Variants in DOCK2 observed in about 807,000 individuals in gnomAD.
DOCK2 encodes the protein dedicator of cytokinesis protein 2.
A neutral mutation model predicts 248.9 loss-of-function variants in DOCK2; 87 were observed. The observed-to-expected ratio is 0.35, with a 90% CI of 0.29 to 0.42. The LOEUF (loss-of-function observed/expected upper bound fraction) is 0.42. DOCK2 is among the 10% of genes least tolerant of loss of function. The pLI, the probability that DOCK2 is intolerant of heterozygous loss-of-function variation, is 1.00. For synonymous variants in DOCK2, 805 were observed against 821.6 expected, an observed-to-expected ratio of 0.98 and a Z score of 0.35; for missense variants, 1,747 against 2,300.2, an observed-to-expected ratio of 0.76 and a Z score of 4.92.
chr5:169,836,770 T>C (rs1012582514), intron 26 of DOCK2, among the ~76,000 whole-genome samples: 2 of 152,166 alleles, frequency 1.3e-5, no homozygotes, highest in African/African-American at 4.8e-5. Flanking sequence ...TAGAGAGGTA[T>C]TAAAGACATA....
intron 27 of DOCK2, among the ~76,000 whole-genome samples, chr5:169,965,836 C>T (rs1217755053): frequency 6.6e-6 from 1 of 152,172 alleles, no homozygotes; most frequent in Non-Finnish European, 1.5e-5. Flanking sequence ...TCATTTAACT[C>T]ATTGATGGCA....
chr5:169,769,400 C>T (rs1764963922), intron 25 of DOCK2, among the ~76,000 whole-genome samples: 1 of 152,198 alleles, frequency 6.6e-6, no homozygotes, highest in Non-Finnish European at 1.5e-5. Flanking sequence ...CCTTCCTCTC[C>T]ATCTTATCGC....
At chr5:169,799,604 AT>A (rs1034989585) in intron 25 of DOCK2, among the ~76,000 whole-genome samples, 6 of 152,234 alleles carry the variant, frequency 3.9e-5, no homozygotes, top group Non-Finnish European at 2.9e-5. Context: ...ATTGTAAGAC[AT>A]TTTTTTACCC....
chr5:169,918,129 T>C (rs190386818), intron 27 of DOCK2, among the ~76,000 whole-genome samples: 3 of 152,244 alleles, frequency 2.0e-5, no homozygotes, highest in Non-Finnish European at 4.4e-5. Flanking sequence ...AAAAATATCC[T>C]GTTCAATTTG....
chr5:169,884,183 G>A, intron 27 of DOCK2: 1 of 263,224 alleles, frequency 3.8e-6, no homozygotes, highest in Non-Finnish European at 7.1e-6. Context: ...TTAAACATCT[G>A]ATCTACCAAG....
intron 43 of DOCK2, chr5:170,056,999 CT>C: frequency 2.0e-6 from 1 of 500,676 alleles, no homozygotes; most frequent in Non-Finnish European, 3.6e-6. Context: ...GTCAGAGGCA[CT>C]TTTTCAACCA....
intron 46 of DOCK2, among the ~76,000 whole-genome samples, chr5:170,073,945 A>G (rs551725590): frequency 6.6e-6 from 1 of 151,694 alleles, no homozygotes; most frequent in South Asian, 2.1e-4. Context: ...ATTCGTGTCC[A>G]CTCTCACCTT....
At chr5:169,651,192 G>T (rs1757786675) in intron 1 of DOCK2, among the ~76,000 whole-genome samples, 1 of 152,164 alleles carries the variant, frequency 6.6e-6, no homozygotes, top group Non-Finnish European at 1.5e-5. Flanking sequence ...GTATTCATAG[G>T]CAAAGCCACT....
intron 29 of DOCK2, among the ~76,000 whole-genome samples, chr5:169,995,617 T>C (rs1754589618): frequency 6.6e-6 from 1 of 152,252 alleles, no homozygotes; most frequent in African/African-American, 2.4e-5. Flanking sequence ...ACAGCATTTG[T>C]TGTTTAGCCC....
chr5:169,669,090 T>C (rs1403025790), intron 2 of DOCK2, among the ~76,000 whole-genome samples, 198 bp from the exon 3 acceptor site: 2 of 152,182 alleles, frequency 1.3e-5, no homozygotes, highest in Non-Finnish European at 2.9e-5. Flanking sequence ...AGTCTATTTT[T>C]AGATGTTATT....
At chr5:170,042,445 G>A (rs767769035) in intron 38 of DOCK2, among the ~76,000 whole-genome samples, 4 of 152,150 alleles carry the variant, frequency 2.6e-5, no homozygotes, top group Non-Finnish European at 4.4e-5. Context: ...TCCCCCACTC[G>A]CAGTTTCTCA....
chr5:169,814,242 C>T (rs1413403656), intron 26 of DOCK2, among the ~76,000 whole-genome samples: 1 of 152,182 alleles, frequency 6.6e-6, no homozygotes, highest in Non-Finnish European at 1.5e-5. Flanking sequence ...CGTCATGTGC[C>T]TCCTGACACG....
chr5:169,975,535 A>G (rs1358721781), intron 27 of DOCK2, among the ~76,000 whole-genome samples: 1 of 152,096 alleles, frequency 6.6e-6, no homozygotes, highest in Non-Finnish European at 1.5e-5. Context: ...AGCTCCTCCG[A>G]CGCTCCAAGC....
chr5:169,759,842 C>T (rs1561670116), intron 24 of DOCK2, 67 bp downstream of exon 24: 1 of 1,582,324 alleles, frequency 6.3e-7, no homozygotes, highest in Non-Finnish European at 8.7e-7. Flanking sequence ...GGGAGGAGGG[C>T]TCTTATGGGG....
At chr5:169,670,333 A>T (rs993672167) in intron 3 of DOCK2, among the ~76,000 whole-genome samples, 9 of 152,268 alleles carry the variant, frequency 5.9e-5, no homozygotes, top group Non-Finnish European at 1.0e-4. Flanking sequence ...AGAGCAACTG[A>T]TGGAGAACTG....
chr5:169,941,319 T>C (rs965623886), intron 27 of DOCK2, among the ~76,000 whole-genome samples: 1 of 152,220 alleles, frequency 6.6e-6, no homozygotes, highest in Admixed American at 6.5e-5. Flanking sequence ...GCAATTCTCC[T>C]GTCTCAGCCG....
chr5:169,978,393 G>GTGTGTGT (rs1554123457), intron 27 of DOCK2, among the ~76,000 whole-genome samples: 2 of 43,886 alleles, frequency 4.6e-5, no homozygotes, highest in African/African-American at 1.8e-4. Flanking sequence ...GTGTGTGTGT[G>GTGTGTGT]GGGGGGGGGG....
chr5:169,708,449 G>A (rs901248009), intron 15 of DOCK2, among the ~76,000 whole-genome samples, 182 bp downstream of exon 15: 25 of 152,272 alleles, frequency 1.6e-4, no homozygotes, highest in African/African-American at 5.5e-4. Flanking sequence ...GCCTGACCAC[G>A]ACCACGCTGC....
At chr5:169,639,064 A>T (rs1329863751) in intron 1 of DOCK2, among the ~76,000 whole-genome samples, 1 of 152,228 alleles carries the variant, frequency 6.6e-6, no homozygotes, top group Non-Finnish European at 1.5e-5. Flanking sequence ...AAGGGCTTTG[A>T]GTGCCAACCT....
Sources: allele counts gnomAD v4.1 joint callset (sites outside exome capture counted in the v4.1 genomes callset), GRCh38; gene constraint gnomAD v4.1.1; transcripts MANE v1.5; gene names NCBI Gene and HGNC (gene_info 2026-07-23, HGNC 2026-07-21).